HBG2: variants seen among roughly 807,000 people sequenced by gnomAD.
The protein encoded by HBG2 is hemoglobin subunit gamma-2.
For missense variants in HBG2, 59 were observed against 155.7 expected, an observed-to-expected ratio of 0.38 and a Z score of 3.31; for synonymous variants, 25 against 63.2, an observed-to-expected ratio of 0.40 and a Z score of 2.87.
intron 2 of HBG2, among the ~76,000 whole-genome samples, chr11:5,253,696 G>GCACACACACACACACA (rs1456006404): frequency 1.8e-5 from 1 of 56,354 alleles, no homozygotes; most frequent in African/African-American, 5.6e-5. Flanking sequence ...AAACACACGC[G>GCACACACACACACACA]CGCACACACA....
rs1291822041 is a variant in HBG2, at chr11:5,253,313, A to T, written c.408T>A (p.Thr136=). ...EVQASWQKMV[T]GVASALSSRY... ...TGGAGGACAGGGCACTGGCCACTCCAGTCACCATCTTCTGCCAGGAAGCCT... is the reference window on the plus strand; with the variant it reads ...TGGAGGACAGGGCACTGGCCACTCCTGTCACCATCTTCTGCCAGGAAGCCT... Residue 136 remains threonine, a synonymous_variant, in exon 3 of 3, where the codon ACT becomes ACA. Coordinates refer to ENST00000336906, the MANE Select transcript of HBG2 (RefSeq NM_000184.3). The T allele has an allele frequency of 1.9e-6, 3 of 1,613,974 alleles. No individual in the cohort carries two copies. Among genetic ancestry groups the T allele is most frequent in the African/African-American group, 1.3e-5 (1 of 74,928 alleles).
intron 2 of HBG2, among the ~76,000 whole-genome samples, chr11:5,253,812 A>G (rs1283917748): frequency 6.6e-6 from 1 of 151,850 alleles, no homozygotes; most frequent in Admixed American, 6.6e-5. Flanking sequence ...TAAAGGATAT[A>G]AGTTTGTAAT....
Position 5,254,429 on chromosome 11 carries a change from T to G in HBG2, c.178A>C (p.Lys60Gln), listed in dbSNP as rs28933078. The change falls in exon 2 of 3, where the codon AAA becomes CAA. Residue 60 changes from lysine to glutamine, a missense_variant. Physicochemically the swap from Lys to Gln is moderately conservative, Grantham distance 53. Transcript: ENST00000336906. ...ACCTTCTTGCCATGTGCCTTGACTT[T>G]GGGGTTGCCCATGATGGCAGAGGCA... is the stretch of plus-strand genomic sequence containing the variant. ...SSASAIMGNPKVKAHGKKVLT... is the reference protein window; with the variant it reads ...SSASAIMGNPQVKAHGKKVLT... 11 of 1,614,280 alleles carry G rather than the reference T, an allele frequency of 6.8e-6. No homozygotes were observed. The highest frequency in any genetic ancestry group is 9.3e-6 in the Non-Finnish European group (11 of 1,180,056).
At chr11:5,253,719 C>CACACACACAG (rs1249932162) in intron 2 of HBG2, among the ~76,000 whole-genome samples, 290 of 150,746 alleles carry the variant, frequency 1.9e-3, no homozygotes, top group African/African-American at 5.6e-3. Context: ...CACACACACA[C>CACACACACAG]AGAGCTGACT....
chr11:5,253,358 T>A lies in HBG2; in HGVS notation c.363A>T (p.Lys121Asn), dbSNP rs1444075189. ...LVTVLAIHFG[K>N]EFTPEVQASW... Reference sequence around the variant, plus strand: ...AAGCCTGCACCTCAGGGGTGAATTCTTTGCCGAAATGGATTGCCAAAACGG... The same window carrying A: ...AAGCCTGCACCTCAGGGGTGAATTCATTGCCGAAATGGATTGCCAAAACGG... Residue 121 changes from lysine to asparagine, a missense_variant, in exon 3 of 3, where the codon AAA becomes AAT. Transcript: ENST00000336906. 1.9e-6 allele frequency: 3 copies of A among 1,613,856 alleles called. No homozygotes were observed. The South Asian group carries it at 3.3e-5, about 18-fold the overall frequency.
At chr11:5,253,719 C>CACACACACAGAG (rs1249932162) in intron 2 of HBG2, among the ~76,000 whole-genome samples, 13 of 150,752 alleles carry the variant, frequency 8.6e-5, no homozygotes, top group African/African-American at 2.7e-4. Flanking sequence ...CACACACACA[C>CACACACACAGAG]AGAGCTGACT....
chr11:5,253,669 C>T (rs979182426), intron 2 of HBG2, among the ~76,000 whole-genome samples: 4 of 146,114 alleles, frequency 2.7e-5, no homozygotes, highest in Non-Finnish European at 4.6e-5. Context: ...AAGAAACACA[C>T]GCTCTCACAC....
At chr11:5,254,248 C>T (rs752186188) in intron 2 of HBG2, 44 bp downstream of exon 2, 1 of 1,613,904 alleles carries the variant, frequency 6.2e-7, no homozygotes, top group Non-Finnish European at 8.5e-7. Flanking sequence ...TCTAAGTTGC[C>T]TCGAGACTAA....
chr11:5,253,707 C>T (rs1204584994), intron 2 of HBG2, among the ~76,000 whole-genome samples: 1 of 151,504 alleles, frequency 6.6e-6, no homozygotes, highest in Non-Finnish European at 1.5e-5. Flanking sequence ...CGCACACACA[C>T]ACACACACAC....
chr11:5,254,262 C>T, intron 2 of HBG2, 30 bp downstream of exon 2: 1 of 1,614,172 alleles, frequency 6.2e-7, no homozygotes, highest in East Asian at 2.2e-5. Flanking sequence ...AGACTAAAGG[C>T]AACAGTGCTG....
chr11:5,253,549 A>G (rs1416004904), intron 2 of HBG2, 144 bp from the exon 3 acceptor site: 9 of 1,093,558 alleles, frequency 8.2e-6, no homozygotes, highest in African/African-American at 5.9e-5. Flanking sequence ...TTGCTTTCCC[A>G]TTAAATGCAG....
At chr11:5,253,737 T>C (rs112760631) in intron 2 of HBG2, among the ~76,000 whole-genome samples, 13,970 of 113,238 alleles carry the variant, frequency 0.12, 1,668 homozygotes, top group African/African-American at 0.35. Context: ...ACTTTCAAAA[T>C]CTACTCCAGC....
At chr11:5,253,916 C>T (rs1437322167) in intron 2 of HBG2, among the ~76,000 whole-genome samples, 1 of 152,046 alleles carries the variant, frequency 6.6e-6, no homozygotes, top group Non-Finnish European at 1.5e-5. Flanking sequence ...TTTGACTGAG[C>T]CAATATATGC....
At chr11:5,253,692 A>ACGTG (rs765252937) in intron 2 of HBG2, among the ~76,000 whole-genome samples, 2 of 87,264 alleles carry the variant, frequency 2.3e-5, no homozygotes, top group Non-Finnish European at 4.8e-5. Context: ...ACACAAACAC[A>ACGTG]CGCGCGCACA....
At chr11:5,253,674 T>TCA (rs1294182581) in intron 2 of HBG2, among the ~76,000 whole-genome samples, 1 of 135,038 alleles carries the variant, frequency 7.4e-6, no homozygotes, top group South Asian at 2.5e-4. Context: ...ACACACGCTC[T>TCA]CACACACACA....
intron 2 of HBG2, among the ~76,000 whole-genome samples, chr11:5,253,900 C>G (rs931914959): frequency 6.6e-6 from 1 of 152,034 alleles, no homozygotes; most frequent in Non-Finnish European, 1.5e-5. Flanking sequence ...CACCAAAGTT[C>G]CCCACTTTGA....
chr11:5,253,314 G>A lies in HBG2; in HGVS notation c.407C>T (p.Thr136Ile), dbSNP rs564272856. 6.2e-7 allele frequency: 1 copy of A among 1,614,112 alleles called. No individual in the cohort carries two copies. The highest frequency in any genetic ancestry group is 1.1e-5 in the South Asian group (1 of 91,072). The change falls in exon 3 of 3, where the codon ACT becomes ATT. Residue 136 changes from threonine (T) to isoleucine (I), a missense_variant. Thr to Ile is a moderately conservative substitution (Grantham distance 89). Transcript: ENST00000336906. ...GGAGGACAGGGCACTGGCCACTCCA[G>A]TCACCATCTTCTGCCAGGAAGCCTG... is the stretch of plus-strand genomic sequence containing the variant. ...EVQASWQKMV[T>I]GVASALSSRY...
chr11:5,253,557 C>T (rs1847976643), intron 2 of HBG2, 152 bp from the exon 3 acceptor site: 1 of 1,024,658 alleles, frequency 9.8e-7, no homozygotes. Context: ...CCATTAAATG[C>T]AGGTAGTTGT....
intron 2 of HBG2, among the ~76,000 whole-genome samples, chr11:5,253,634 G>C (rs111372954): frequency 0.019 from 2,819 of 151,796 alleles, 44 homozygotes; most frequent in South Asian, 0.055. Context: ...CATGAACCCT[G>C]TATGCTGTAG....
Sources: allele counts gnomAD v4.1 joint callset (sites outside exome capture counted in the v4.1 genomes callset), GRCh38; gene constraint gnomAD v4.1.1; transcripts MANE v1.5; gene names NCBI Gene and HGNC (gene_info 2026-07-23, HGNC 2026-07-21).